RGPD3: variants seen among roughly 807,000 people sequenced by gnomAD.
RGPD3 encodes ranBP2-like and GRIP domain-containing protein 3.
A neutral mutation model predicts 154.5 loss-of-function variants in RGPD3; 62 were observed. The ratio of observed to expected loss-of-function variants is 0.40; its 90% CI spans 0.33 to 0.50. The LOEUF is 0.50. Ranked by LOEUF, RGPD3 falls within the 20% of genes least tolerant of loss-of-function variation. RGPD3 has a pLI of 0.59. For missense variants in RGPD3, 919 were observed against 1,716.8 expected, an observed-to-expected ratio of 0.54 and a Z score of 8.21; for synonymous variants, 308 against 607.0, an observed-to-expected ratio of 0.51 and a Z score of 7.24.
chr2:106,451,303 G>T (rs1286594260), intron 6 of RGPD3, among the ~76,000 whole-genome samples: 1 of 151,746 alleles, frequency 6.6e-6, no homozygotes, highest in East Asian at 1.9e-4. Context: ...ACCAATTTAG[G>T]TCACTATGTA....
chr2:106,435,897 A>T (rs1253632975), intron 12 of RGPD3, among the ~76,000 whole-genome samples: 37 of 152,312 alleles, frequency 2.4e-4, no homozygotes, highest in Admixed American at 4.6e-4. Flanking sequence ...TTATTAAGGA[A>T]TAACAGTAAC....
chr2:106,468,514 G>A, upstream of RGPD3: 1 of 883,800 alleles, frequency 1.1e-6, no homozygotes. Context: ...TGCTCTGAGG[G>A]TGTCTTGCCC....
At chr2:106,441,610 T>C (rs2104486661) in intron 7 of RGPD3, among the ~76,000 whole-genome samples, 1 of 150,244 alleles carries the variant, frequency 6.7e-6, no homozygotes, top group South Asian at 2.1e-4. Context: ...CAACACTCTG[T>C]CTGGGAGGCC....
intron 1 of RGPD3, among the ~76,000 whole-genome samples, chr2:106,463,628 G>A (rs1282742857): frequency 3.3e-5 from 5 of 151,688 alleles, no homozygotes; most frequent in Non-Finnish European, 5.9e-5. Flanking sequence ...TTCTCAAACT[G>A]GTGATAAAGG....
chr2:106,408,948 A>G (rs565827684), intron 22 of RGPD3, among the ~76,000 whole-genome samples: 15 of 151,748 alleles, frequency 9.9e-5, no homozygotes, highest in Middle Eastern at 3.4e-3. Context: ...GTCTTCTCAA[A>G]CTGTTGGGCT....
rs1222303089 is a variant in RGPD3 at position 106,404,320 on chromosome 2, T to A, written c.*899A>T. Among the ~76,000 whole-genome samples the A allele has an allele frequency of 6.7e-6, 1 of 148,912 alleles. No individual in the cohort carries two copies. The highest frequency in any genetic ancestry group is 6.7e-5 in the Admixed American group (1 of 15,036). On this transcript the variant is annotated 3_prime_UTR_variant, in exon 23 of 23. Transcript: ENST00000409886. ...AAAGACACCATGAAATCACCTCAAC[T>A]CAAGTGGTGGGCCCACCTATTCATA...
chr2:106,450,462 C>A (rs77671960), intron 6 of RGPD3, among the ~76,000 whole-genome samples: 2 of 145,918 alleles, frequency 1.4e-5, no homozygotes, highest in Non-Finnish European at 3.0e-5. Flanking sequence ...GCCCCCAAGT[C>A]ACCCCCTCAT....
At chr2:106,410,742 T>C (rs1573238036) in intron 22 of RGPD3, among the ~76,000 whole-genome samples, 1 of 152,218 alleles carries the variant, frequency 6.6e-6, no homozygotes, top group East Asian at 1.9e-4. Context: ...ATTTCTTCTT[T>C]TTTATAACTA....
At chr2:106,458,512 G>A (rs1678303640) in intron 2 of RGPD3, among the ~76,000 whole-genome samples, 1 of 93,154 alleles carries the variant, frequency 1.1e-5, no homozygotes, top group African/African-American at 3.4e-5. Context: ...GCTGCGCTCA[G>A]AAGTTCAAGA....
intron 18 of RGPD3, 46 bp from the exon 19 acceptor site, chr2:106,426,134 C>T (rs1558842018): frequency 1.3e-6 from 2 of 1,586,316 alleles, no homozygotes; most frequent in Non-Finnish European, 8.5e-7. Flanking sequence ...AAAGTCTATA[C>T]TACAGTTAAG....
intron 8 of RGPD3, among the ~76,000 whole-genome samples, chr2:106,440,638 A>AT (rs1408501329): frequency 5.1e-5 from 6 of 116,764 alleles, no homozygotes; most frequent in African/African-American, 2.1e-4. Context: ...AATAACTTTG[A>AT]TTAATATTAC....
chr2:106,444,732 C>G (rs943787752), intron 7 of RGPD3, among the ~76,000 whole-genome samples: 1 of 150,636 alleles, frequency 6.6e-6, no homozygotes. Flanking sequence ...GAGGCTGAAG[C>G]AGGAGAGGAT....
chr2:106,455,186 A>G (rs1346995894), intron 4 of RGPD3, among the ~76,000 whole-genome samples: 1 of 151,724 alleles, frequency 6.6e-6, no homozygotes, highest in African/African-American at 2.4e-5. Flanking sequence ...AGAAATAAAA[A>G]AAGTGAAAGG....
At position 106,424,321 on chromosome 2, in the gene RGPD3, C is replaced by T. The variant is rs757523584; in HGVS notation, c.3646G>A (p.Val1216Ile). Residue 1216 changes from valine to isoleucine, a missense_variant, in exon 20 of 23, where the codon GTC becomes ATC. Coordinates refer to ENST00000409886, the MANE Select transcript of RGPD3 (RefSeq NM_001144013.2). ...GAACCCTTATTTTCTTCCTCAGCGA[C>T]TTTTGTTTGATCATTTGTCAAAAAT... ...KTFLTNDQTK[V>I]AEEENKGSGT... 4.3e-6 allele frequency: 7 copies of T among 1,611,820 alleles called. No individual in the cohort carries two copies. Among genetic ancestry groups the T allele is most frequent in the East Asian group, 4.5e-5 (2 of 44,888 alleles).
intron 22 of RGPD3, among the ~76,000 whole-genome samples, chr2:106,409,912 G>A (rs1438249062): frequency 1.1e-5 from 1 of 89,284 alleles, no homozygotes; most frequent in African/African-American, 4.5e-5. Context: ...TTTTGATCTT[G>A]TTGCTCAGGC....
chr2:106,449,600 G>A (rs1485560909), intron 6 of RGPD3, among the ~76,000 whole-genome samples: 4 of 151,822 alleles, frequency 2.6e-5, no homozygotes, highest in Non-Finnish European at 4.4e-5. Context: ...ACATACGGCC[G>A]GGTGCAGTGG....
At chr2:106,462,085 T>C (rs568230111) in intron 1 of RGPD3, among the ~76,000 whole-genome samples, 4 of 152,220 alleles carry the variant, frequency 2.6e-5, no homozygotes, top group Non-Finnish European at 4.4e-5. Context: ...GGTTTCACCA[T>C]GTTGGCCAGA....
At chr2:106,442,517 G>A (rs1269118402) in intron 7 of RGPD3, among the ~76,000 whole-genome samples, 4 of 136,858 alleles carry the variant, frequency 2.9e-5, no homozygotes, top group Non-Finnish European at 6.3e-5. Flanking sequence ...AAAAAAGCAT[G>A]ATGAATAGAA....
At chr2:106,450,385 T>C (rs906841806) in intron 6 of RGPD3, among the ~76,000 whole-genome samples, 4 of 144,426 alleles carry the variant, frequency 2.8e-5, no homozygotes, top group African/African-American at 7.7e-5. Context: ...CCCACAGCCC[T>C]AAGCCACACT....
Sources: allele counts gnomAD v4.1 joint callset (sites outside exome capture counted in the v4.1 genomes callset), GRCh38; gene constraint gnomAD v4.1.1; transcripts MANE v1.5; gene names NCBI Gene and HGNC (gene_info 2026-07-23, HGNC 2026-07-21).